The following HS2ST1 variants were observed in gnomAD, a reference collection of about 807,000 sequenced individuals.
HS2ST1 encodes the protein heparan sulfate 2-O-sulfotransferase 1, also known as 2-O-sulfotransferase.
In HS2ST1, 18 loss-of-function variants were observed where a neutral mutation model predicts 42.9. That is an observed-to-expected ratio of 0.42 (90% CI 0.29 to 0.62). The LOEUF is 0.62. Among genes scored for constraint, HS2ST1 ranks in the 20% least tolerant of loss-of-function variants. The probability of loss-of-function intolerance (pLI) is 0.21; values close to 1 mark genes in which losing one functional copy is unlikely to be tolerated. For synonymous variants in HS2ST1, 146 were observed against 152.9 expected (o/e 0.95, Z 0.33); for missense variants, 334 against 433.8 (o/e 0.77, Z 2.04).
chr1:86,945,210 G>T (rs1024449763), intron 1 of HS2ST1, among the ~76,000 whole-genome samples: 129 of 152,160 alleles, frequency 8.5e-4, no homozygotes, highest in African/African-American at 3.0e-3. Context: ...AGGATGGCAT[G>T]ATCTAAGGTG....
chr1:87,042,167 G>A (rs1650539260), intron 1 of HS2ST1, among the ~76,000 whole-genome samples: 1 of 152,022 alleles, frequency 6.6e-6, no homozygotes, highest in African/African-American at 2.4e-5. Context: ...TTTTAATTGA[G>A]ATATTTGGAG....
At chr1:86,962,755 A>T (rs944506092) in intron 1 of HS2ST1, among the ~76,000 whole-genome samples, 2 of 152,214 alleles carry the variant, frequency 1.3e-5, no homozygotes, top group African/African-American at 4.8e-5. Context: ...TCTGTACAAT[A>T]AGATTTTTTT....
chr1:86,932,996 T>C (rs942734969), intron 1 of HS2ST1, among the ~76,000 whole-genome samples: 1 of 152,196 alleles, frequency 6.6e-6, no homozygotes, highest in African/African-American at 2.4e-5. Context: ...TAGCCATAGA[T>C]TAAAATTATA....
At position 87,041,806 on chromosome 1, in the gene HS2ST1, T is replaced by C. The variant is rs1251679348; in HGVS notation, c.125-31128T>C. Among the ~76,000 whole-genome samples the C allele has an allele frequency of 2.6e-5, 4 of 152,206 alleles. No homozygotes were observed. The East Asian group carries it at 7.7e-4, about 29-fold the overall frequency. ...GCTGAATAATATTTTACTGTGTGTA[T>C]ATCACACAGTAAATCCATTTTATCC... On this transcript the variant is annotated intron_variant, in intron 1 of 6. Coordinates refer to ENST00000370550, the MANE Select transcript of HS2ST1 (RefSeq NM_012262.4).
chr1:87,104,709 A>G lies in HS2ST1; in HGVS notation c.*13A>G, dbSNP rs1482833386. ...TAAGTCGAACTGAGTATAAGGTGTG[A>G]CTATTGGATTCTTGAACTAAAATTT... On this transcript the variant is annotated 3_prime_UTR_variant, in exon 7 of 7. Coordinates refer to ENST00000370550, the MANE Select transcript of HS2ST1 (RefSeq NM_012262.4). 6.6e-7 allele frequency: 1 copy of G among 1,519,244 alleles called. No individual in the cohort carries two copies. The allele number at this position is 1,519,244 out of a possible 1,614,324, so 94.1% of individuals were successfully genotyped here.
chr1:87,004,798 G>A (rs1433411497), intron 1 of HS2ST1, among the ~76,000 whole-genome samples: 1 of 152,170 alleles, frequency 6.6e-6, no homozygotes, highest in African/African-American at 2.4e-5. Flanking sequence ...TGACAAGGAG[G>A]CTTAGGAGTC....
chr1:86,933,033 A>G (rs1660574932), intron 1 of HS2ST1, among the ~76,000 whole-genome samples: 1 of 152,178 alleles, frequency 6.6e-6, no homozygotes, highest in East Asian at 1.9e-4. Flanking sequence ...TGTAAAAGTA[A>G]TTATAGAATA....
At chr1:86,948,350 A>G (rs890418343) in intron 1 of HS2ST1, among the ~76,000 whole-genome samples, 1 of 152,142 alleles carries the variant, frequency 6.6e-6, no homozygotes, top group African/African-American at 2.4e-5. Context: ...GTTCATGGGC[A>G]TAATCATAGT....
rs1356091745 is a variant in HS2ST1 at position 86,980,523 on chromosome 1, A to G, written c.124+65363A>G. The stretch of plus-strand genomic sequence containing the variant: ...TTCAGTGTGCATATATTGTTAATTT[A>G]GAAATTGCAAATAATTACATAAACA... On this transcript the variant is annotated intron_variant, in intron 1 of 6. Transcript: ENST00000370550. Among the ~76,000 whole-genome samples the G allele has an allele frequency of 2.0e-5, 3 of 152,134 alleles. No homozygotes were observed. In the East Asian group the frequency reaches 5.8e-4, roughly 29 times the overall value.
intron 1 of HS2ST1, among the ~76,000 whole-genome samples, chr1:87,066,896 T>C (rs988911406): frequency 2.0e-5 from 3 of 152,216 alleles, no homozygotes; most frequent in African/African-American, 4.8e-5. Context: ...GCAAAGGACA[T>C]GGACTCATCC....
chr1:87,021,933 C>A (rs1450401409), intron 1 of HS2ST1, among the ~76,000 whole-genome samples: 1 of 152,182 alleles, frequency 6.6e-6, no homozygotes. Flanking sequence ...TTATTTCCTA[C>A]TTCTTATGTA....
chr1:86,998,069 G>A (rs1464533385), intron 1 of HS2ST1, among the ~76,000 whole-genome samples: 2 of 152,176 alleles, frequency 1.3e-5, no homozygotes, highest in Non-Finnish European at 2.9e-5. Context: ...GTACCAGATT[G>A]CTACAGAAGG....
intron 1 of HS2ST1, chr1:86,934,878 A>G (rs1660611381): frequency 7.2e-6 from 1 of 139,446 alleles, no homozygotes. Flanking sequence ...CAGTGAGCCG[A>G]GATCCTGCCA....
intron 1 of HS2ST1, among the ~76,000 whole-genome samples, chr1:86,980,497 C>T (rs1401615284): frequency 6.6e-6 from 1 of 151,730 alleles, no homozygotes; most frequent in East Asian, 1.9e-4. Flanking sequence ...ACTAAAATTT[C>T]TTCAGTGTGC....
At chr1:86,929,630 A>G (rs1286612810) in intron 1 of HS2ST1, among the ~76,000 whole-genome samples, 1 of 151,790 alleles carries the variant, frequency 6.6e-6, no homozygotes, top group Non-Finnish European at 1.5e-5. Context: ...TTGCATGTGT[A>G]TATGTATGTG....
chr1:86,964,325 C>A (rs1298946202), intron 1 of HS2ST1, among the ~76,000 whole-genome samples: 2 of 152,202 alleles, frequency 1.3e-5, no homozygotes, highest in Admixed American at 1.3e-4. Flanking sequence ...GAGATCACGC[C>A]ACCGCACTCC....
chr1:87,086,760 C>T (rs892483192), intron 3 of HS2ST1, among the ~76,000 whole-genome samples: 2 of 151,942 alleles, frequency 1.3e-5, no homozygotes, highest in African/African-American at 2.4e-5. Flanking sequence ...TTTTTGCATT[C>T]CTATCCCATC....
chr1:86,979,395 TTCTA>T (rs1648515188), intron 1 of HS2ST1, among the ~76,000 whole-genome samples: 1 of 152,326 alleles, frequency 6.6e-6, no homozygotes, highest in African/African-American at 2.4e-5. Flanking sequence ...GTAACCACTG[TTCTA>T]TCTCTGTATG....
chr1:87,064,753 T>C (rs28475787), intron 1 of HS2ST1, among the ~76,000 whole-genome samples: 1 of 152,170 alleles, frequency 6.6e-6, no homozygotes, highest in Non-Finnish European at 1.5e-5. Flanking sequence ...CTCAAACTCC[T>C]GGGCTCAGGC....
Sources: gnomAD v4.1 joint callset for allele counts (sites outside exome capture counted in the v4.1 genomes callset) on GRCh38, gnomAD v4.1.1 for gene constraint, MANE v1.5 for transcripts, NCBI Gene and HGNC (gene_info 2026-07-23, HGNC 2026-07-21) for gene names.